The following GOLGA8B variants were observed in gnomAD, a reference collection of about 807,000 sequenced individuals.
The protein encoded by GOLGA8B is golgin A8 family member B.
In GOLGA8B, 1 loss-of-function variant was observed where a neutral mutation model predicts 15.6. The observed-to-expected ratio is 0.06, with a 90% CI of 0.02 to 0.30. GOLGA8B has a LOEUF of 0.30. GOLGA8B is among the 10% of genes least tolerant of loss of function. The pLI is 1.00. For missense variants in GOLGA8B, 17 were observed against 201.3 expected (o/e 0.08, Z 5.54); for synonymous variants, 9 against 80.3 (o/e 0.11, Z 4.75).
chr15:34,567,358 C>A (rs1369961389), intron 1 of GOLGA8B, among the ~76,000 whole-genome samples: 2 of 150,604 alleles, frequency 1.3e-5, no homozygotes. Flanking sequence ...CACTGGGGCG[C>A]CCCCTTTGCC....
At chr15:34,580,340 AG>A (rs1305413687) in intron 1 of GOLGA8B, among the ~76,000 whole-genome samples, 8 of 152,184 alleles carry the variant, frequency 5.3e-5, no homozygotes, top group Non-Finnish European at 1.0e-4. Flanking sequence ...ATGGATGTGG[AG>A]GGAGCACTGG....
chr15:34,528,061 AG>A lies in GOLGA8B; in HGVS notation c.1469del (p.Ala490ValfsTer136). The part of the protein sequence containing the change: ...QGGEEGEAAG[A>X]AGDGVAACGS... ...CACAAGCCGCAACACCATCTCCTGCAGCTCCAGCAGCTTCACCTGAAGGGAC... is the reference window on the plus strand; with the variant it reads ...CACAAGCCGCAACACCATCTCCTGCACTCCAGCAGCTTCACCTGAAGGGAC... On this transcript the variant is annotated frameshift_variant, in exon 23 of 24. Transcript: ENST00000683415. LOFTEE classifies it high-confidence loss of function. 1 of 676,372 alleles carries A rather than the reference AG, an allele frequency of 1.5e-6. No individual in the cohort carries two copies. Among genetic ancestry groups the A allele is most frequent in the Non-Finnish European group, 2.2e-6 (1 of 452,448 alleles). 41.9% of individuals were successfully genotyped at this position (676,372 alleles called of 1,614,324 possible).
intron 1 of GOLGA8B, among the ~76,000 whole-genome samples, chr15:34,580,789 A>G (rs1318297429): frequency 6.6e-6 from 1 of 152,282 alleles, no homozygotes. Context: ...AGCCCCTGCC[A>G]GGCACACAGG....
intron 6 of GOLGA8B, 55 bp downstream of exon 6, chr15:34,545,323 G>A (rs1163712934): frequency 5.5e-5 from 7 of 128,068 alleles, no homozygotes; most frequent in Admixed American, 2.7e-4. Flanking sequence ...CCTAACTTAC[G>A]TAATCGAAAC....
At chr15:34,579,703 T>C (rs1387494596) in intron 1 of GOLGA8B, among the ~76,000 whole-genome samples, 1 of 152,124 alleles carries the variant, frequency 6.6e-6, no homozygotes, top group Non-Finnish European at 1.5e-5. Context: ...TGAACACAGC[T>C]GGGTTCCAGC....
chr15:34,567,748 A>G (rs191721947), intron 1 of GOLGA8B, among the ~76,000 whole-genome samples: 4 of 151,988 alleles, frequency 2.6e-5, no homozygotes, highest in East Asian at 3.9e-4. Flanking sequence ...AAGAATCCTA[A>G]AAGTTACCAT....
chr15:34,550,867 T>G (rs1354141937), intron 4 of GOLGA8B, among the ~76,000 whole-genome samples: 1 of 139,420 alleles, frequency 7.2e-6, no homozygotes, highest in Non-Finnish European at 1.5e-5. Flanking sequence ...TGGTGGCTCA[T>G]GCCCATAGTC....
chr15:34,576,392 C>G (rs1310073287), intron 1 of GOLGA8B, among the ~76,000 whole-genome samples: 1 of 152,172 alleles, frequency 6.6e-6, no homozygotes, highest in African/African-American at 2.4e-5. Context: ...ACTGCGAAAG[C>G]CCAAGGGAAA....
chr15:34,581,931 CCCA>C (rs1595714533), intron 1 of GOLGA8B, among the ~76,000 whole-genome samples: 1 of 152,126 alleles, frequency 6.6e-6, no homozygotes, highest in East Asian at 1.9e-4. Flanking sequence ...ACTGCTAGAG[CCCA>C]CCGAGGGCTG....
chr15:34,569,485 C>T (rs1248542054), intron 1 of GOLGA8B, among the ~76,000 whole-genome samples: 17 of 151,336 alleles, frequency 1.1e-4, no homozygotes, highest in Non-Finnish European at 2.2e-4. Flanking sequence ...GGCCACATCA[C>T]GCCACCCTGC....
intron 1 of GOLGA8B, among the ~76,000 whole-genome samples, chr15:34,566,721 G>C (rs1888771996): frequency 7.0e-6 from 1 of 142,620 alleles, no homozygotes; most frequent in Non-Finnish European, 1.6e-5. Flanking sequence ...CCAGGTCACG[G>C]GCACAGGCCT....
chr15:34,557,567 T>C (rs1310776432), intron 1 of GOLGA8B, among the ~76,000 whole-genome samples: 1 of 51,050 alleles, frequency 2.0e-5, no homozygotes, highest in African/African-American at 6.6e-5. Flanking sequence ...AAGGAACTTC[T>C]ATTTGGCCAA....
chr15:34,576,609 C>A (rs543929553), intron 1 of GOLGA8B, among the ~76,000 whole-genome samples: 1 of 152,332 alleles, frequency 6.6e-6, no homozygotes, highest in South Asian at 2.1e-4. Flanking sequence ...AAGAAAGGCA[C>A]TTCTAGTAGG....
At position 34,577,656 on chromosome 15, in the gene GOLGA8B, C is replaced by G. The variant is rs571123748; in HGVS notation, c.-1123+5860G>C. Among the ~76,000 whole-genome samples the G allele has an allele frequency of 2.6e-5, 4 of 151,894 alleles. No homozygotes were observed. The South Asian group carries it at 8.3e-4, about 32-fold the overall frequency. ...ATCATAGAGCATACATTATACAAAC[C>G]TACTACAACACACTAGGTTATAGGG... On this transcript the variant is annotated intron_variant, in intron 1 of 23. Coordinates refer to ENST00000683415, the MANE Select transcript of GOLGA8B (RefSeq NM_001023567.5).
intron 1 of GOLGA8B, among the ~76,000 whole-genome samples, chr15:34,576,040 G>T (rs1274055888): frequency 2.0e-5 from 3 of 152,210 alleles, no homozygotes; most frequent in Admixed American, 2.0e-4. Context: ...GGACTGAGAG[G>T]TGAATGACGG....
At position 34,563,818 on chromosome 15, in the gene GOLGA8B, T is replaced by C. The variant is rs1236021289; in HGVS notation, c.-1122-9862A>G. On this transcript the variant is annotated intron_variant, in intron 1 of 23. Coordinates refer to ENST00000683415, the MANE Select transcript of GOLGA8B (RefSeq NM_001023567.5). The stretch of plus-strand genomic sequence containing the variant: ...ATTACCTGATGAAATTTTCCTAATT[T>C]TGAATCATCCTTGTATTCCTATAAT... 1.4e-5 allele frequency among the ~76,000 whole-genome samples: 2 copies of C among 144,696 alleles called. 1 individual carries two copies. Among genetic ancestry groups the C allele is most frequent in the Non-Finnish European group, 3.2e-5 (2 of 63,016 alleles). 94.9% of individuals were successfully genotyped at this position (144,696 alleles called of 152,430 possible).
At chr15:34,575,361 A>T (rs2433267) in intron 1 of GOLGA8B, among the ~76,000 whole-genome samples, 1 of 148,716 alleles carries the variant, frequency 6.7e-6, no homozygotes, top group Non-Finnish European at 1.5e-5. Context: ...CCCTCAACAC[A>T]CCCCTGACCG....
intron 1 of GOLGA8B, among the ~76,000 whole-genome samples, chr15:34,572,395 G>C (rs1482454890): frequency 1.3e-5 from 2 of 152,180 alleles, no homozygotes; most frequent in Non-Finnish European, 2.9e-5. Flanking sequence ...CCGTGAGTGT[G>C]AAAAACGGAA....
chr15:34,580,294 G>A (rs530511343), intron 1 of GOLGA8B, among the ~76,000 whole-genome samples: 3 of 152,158 alleles, frequency 2.0e-5, no homozygotes, highest in Non-Finnish European at 4.4e-5. Context: ...TCTTGGGAGC[G>A]AGTGGGAGAA....
Sources: gnomAD v4.1 joint callset for allele counts (sites outside exome capture counted in the v4.1 genomes callset) on GRCh38, gnomAD v4.1.1 for gene constraint, MANE v1.5 for transcripts, NCBI Gene and HGNC (gene_info 2026-07-23, HGNC 2026-07-21) for gene names.